Variants in TBC1D30 observed in about 807,000 individuals in gnomAD.
TBC1D30 encodes the protein TBC1 domain family member 30.
In TBC1D30, 31 loss-of-function variants were observed where a neutral mutation model predicts 63.2. The ratio of observed to expected loss-of-function variants is 0.49; its 90% confidence interval spans 0.37 to 0.66. The LOEUF (loss-of-function observed/expected upper bound fraction) is 0.66, where lower values mean the gene tolerates loss of function less well. TBC1D30 is among the 30% of genes least tolerant of loss of function. The probability of loss-of-function intolerance (pLI) is 0.00; values close to 1 mark genes in which losing one functional copy is unlikely to be tolerated. For missense variants in TBC1D30, 810 were observed against 953.6 expected (o/e 0.85, Z 1.98); for synonymous variants, 307 against 361.5 (o/e 0.85, Z 1.71).
intron 8 of TBC1D30, among the ~76,000 whole-genome samples, chr12:64,847,178 T>C (rs1034077340): frequency 1.3e-5 from 2 of 150,314 alleles, no homozygotes; most frequent in Non-Finnish European, 3.0e-5. Flanking sequence ...TGGTATACAG[T>C]TGCTCATAGC....
At chr12:64,802,410 T>A (rs1020390496) in intron 2 of TBC1D30, among the ~76,000 whole-genome samples, 1 of 152,156 alleles carries the variant, frequency 6.6e-6, no homozygotes, top group African/African-American at 2.4e-5. Context: ...GAGGGCAGGC[T>A]GGCTCCTTTC....
At chr12:64,779,004 T>C (rs149933905), upstream of TBC1D30, 3 of 152,332 alleles carry the variant, frequency 2.0e-5, no homozygotes, top group Non-Finnish European at 4.4e-5. Context: ...ATTTTGAAGT[T>C]CTTATTAACT....
intron 2 of TBC1D30, among the ~76,000 whole-genome samples, chr12:64,791,451 GA>G (rs1871914610): frequency 1.3e-5 from 2 of 152,142 alleles, no homozygotes; most frequent in African/African-American, 4.8e-5. Flanking sequence ...AAAAGGAAGA[GA>G]AAAAATTATT....
chr12:64,848,252 T>C (rs1030307695), intron 8 of TBC1D30, among the ~76,000 whole-genome samples: 1 of 152,110 alleles, frequency 6.6e-6, no homozygotes, highest in African/African-American at 2.4e-5. Flanking sequence ...TTCCATCCCT[T>C]CATTTTCAGT....
In TBC1D30 at chr12:64,880,739, A is replaced by G. The variant is rs748236369; in HGVS notation, c.*4951A>G. The G allele has an allele frequency of 6.6e-6, 1 of 152,162 alleles. No homozygotes were observed. Among genetic ancestry groups the G allele is most frequent in the Non-Finnish European group, 1.5e-5 (1 of 68,028 alleles). 9.4% of individuals were successfully genotyped at this position (152,162 alleles called of 1,614,324 possible). ...CTCTCCATCCCTTCCATCCCAGGCA[A>G]TCTTTATCTAGCTACACCAACCTGT... is the stretch of plus-strand genomic sequence containing the variant. On this transcript the variant is annotated 3_prime_UTR_variant, in exon 12 of 12. Transcript: ENST00000539867.
chr12:64,855,735 ATTTC>A (rs760211482), intron 8 of TBC1D30, among the ~76,000 whole-genome samples: 8 of 152,076 alleles, frequency 5.3e-5, no homozygotes, highest in Non-Finnish European at 2.9e-5. Context: ...GTTATCTTGA[ATTTC>A]TTTTGAATTC....
intron 8 of TBC1D30, among the ~76,000 whole-genome samples, chr12:64,846,379 T>C (rs1463764806): frequency 6.6e-6 from 1 of 150,634 alleles, no homozygotes; most frequent in Non-Finnish European, 1.5e-5. Flanking sequence ...TTTTTGTATA[T>C]GGCAAGAGAT....
At chr12:64,825,110 C>G in intron 1 of TBC1D30, 77 bp downstream of exon 1, 1 of 1,457,602 alleles carries the variant, frequency 6.9e-7, no homozygotes, top group Non-Finnish European at 9.1e-7. Flanking sequence ...TAGCCTGACT[C>G]CGTCTAGGCC....
intron 6 of TBC1D30, 91 bp from the exon 7 acceptor site, chr12:64,838,592 T>G: frequency 7.9e-7 from 1 of 1,261,244 alleles, no homozygotes; most frequent in Non-Finnish European, 1.1e-6. Flanking sequence ...ATACAACAAA[T>G]TTGAGTGGAC....
At chr12:64,868,924 G>C (rs2136470492) in intron 10 of TBC1D30, among the ~76,000 whole-genome samples, 1 of 151,786 alleles carries the variant, frequency 6.6e-6, no homozygotes, top group East Asian at 1.9e-4. Context: ...CCTGTAATTT[G>C]GTAATGTTCC....
chr12:64,807,748 T>G (rs911601502), intron 2 of TBC1D30, among the ~76,000 whole-genome samples: 1 of 151,972 alleles, frequency 6.6e-6, no homozygotes, highest in African/African-American at 2.4e-5. Context: ...AAAAATTTAA[T>G]TTTTTAAATT....
chr12:64,783,291 G>A (rs1007474203), intron 1 of TBC1D30, among the ~76,000 whole-genome samples: 2 of 152,012 alleles, frequency 1.3e-5, no homozygotes, highest in African/African-American at 2.4e-5. Flanking sequence ...GTTGATATCC[G>A]GCCGCAGTTC....
intron 3 of TBC1D30, among the ~76,000 whole-genome samples, chr12:64,829,861 T>C (rs1225117509): frequency 6.6e-6 from 1 of 152,180 alleles, no homozygotes; most frequent in Non-Finnish European, 1.5e-5. Context: ...AAATATCCAG[T>C]GGCTCTTTTA....
At chr12:64,765,549 T>C (rs1359621841) in intron 1 of TBC1D30, among the ~76,000 whole-genome samples, 2 of 100,040 alleles carry the variant, frequency 2.0e-5, no homozygotes, top group African/African-American at 7.5e-5. Flanking sequence ...AACAGGAAAA[T>C]GTGACCCCAT....
chr12:64,860,017 C>CTT (rs534789255), intron 8 of TBC1D30, among the ~76,000 whole-genome samples: 47 of 138,046 alleles, frequency 3.4e-4, no homozygotes, highest in Middle Eastern at 3.8e-3. Flanking sequence ...GATTCTTCTT[C>CTT]TTTTTTTTTT....
rs1380600058 is a variant in TBC1D30 at position 64,877,648 on chromosome 12, G to C, written c.*1860G>C. 6.6e-6 allele frequency: 1 copy of C among 152,224 alleles called. No individual in the cohort carries two copies. Among genetic ancestry groups the C allele is most frequent in the Non-Finnish European group, 1.5e-5 (1 of 68,046 alleles). 9.4% of individuals were successfully genotyped at this position (152,224 alleles called of 1,614,324 possible). ...CTACAGCCTGTTTTTTGGGAAGGCT[G>C]TAGGTGGAGAGATGGGCTTATTTTG... On this transcript the variant is annotated 3_prime_UTR_variant, in exon 12 of 12. Transcript: ENST00000539867.
At chr12:64,822,220 C>A (rs1458702472), upstream of TBC1D30, among the ~76,000 whole-genome samples, 1 of 152,138 alleles carries the variant, frequency 6.6e-6, no homozygotes, top group Non-Finnish European at 1.5e-5. Context: ...CTTGCTCTCT[C>A]ACCCAGGCTG....
chr12:64,824,812 C>T lies in TBC1D30; in HGVS notation c.-68C>T. 6.7e-7 allele frequency: 1 copy of T among 1,493,294 alleles called. No individual in the cohort carries two copies. The highest frequency in any genetic ancestry group is 8.9e-7 in the Non-Finnish European group (1 of 1,123,226). The allele number at this position is 1,493,294 out of a possible 1,614,324, so 92.5% of individuals were successfully genotyped here. Reference sequence around the variant, plus strand: ...ACTCACCCAGCTCCGCGAGCTCAGCCGCTCAGCGAGTGGGGTAGCGGGGAC... The same window carrying T: ...ACTCACCCAGCTCCGCGAGCTCAGCTGCTCAGCGAGTGGGGTAGCGGGGAC... On this transcript the variant is annotated 5_prime_UTR_variant, in exon 1 of 12. Transcript: ENST00000539867.
chr12:64,795,594 T>C (rs1872204844), intron 2 of TBC1D30, among the ~76,000 whole-genome samples: 2 of 152,170 alleles, frequency 1.3e-5, no homozygotes, highest in Admixed American at 1.3e-4. Context: ...ATAACATAAG[T>C]TGGATTTCAG....
Sources: allele counts gnomAD v4.1 joint callset (sites outside exome capture counted in the v4.1 genomes callset), GRCh38; gene constraint gnomAD v4.1.1; transcripts MANE v1.5; gene names NCBI Gene and HGNC (gene_info 2026-07-23, HGNC 2026-07-21).